LRP5: variants seen among roughly 807,000 people sequenced by gnomAD.
LRP5 encodes LDL receptor related protein 5.
LRP5 carries 62 observed loss-of-function variants against 154.1 expected under a neutral mutation model. That is an observed-to-expected ratio of 0.40 (90% CI 0.33 to 0.50). The LOEUF (loss-of-function observed/expected upper bound fraction) is 0.50. LRP5 is among the 20% of genes least tolerant of loss of function. LRP5 has a pLI of 0.55. For synonymous variants in LRP5, 966 were observed against 1,011.5 expected, an observed-to-expected ratio of 0.96 and a Z score of 0.85; for missense variants, 1,915 against 2,336.7, an observed-to-expected ratio of 0.82 and a Z score of 3.72.
At chr11:68,299,289 G>A in the LRP5 span, among the ~76,000 whole-genome samples, 2 of 152,198 alleles carry the variant, frequency 1.3e-5, no homozygotes, top group Non-Finnish European at 2.9e-5. Context: ...GAGGGGCTTG[G>A]GTGGAGGCTG....
At chr11:68,349,765 C>G (rs1466485668) in intron 2 of LRP5, among the ~76,000 whole-genome samples, 1 of 152,168 alleles carries the variant, frequency 6.6e-6, no homozygotes, top group East Asian at 1.9e-4. Context: ...CCCAGACTCC[C>G]GAGCAGAGGG....
intron 17 of LRP5, among the ~76,000 whole-genome samples, chr11:68,432,363 G>T (rs987309490): frequency 1.3e-5 from 2 of 152,298 alleles, no homozygotes; most frequent in Non-Finnish European, 2.9e-5. Flanking sequence ...GCAGACATCT[G>T]TCGTTGGCTC....
chr11:68,380,240 A>G (rs1225634414), intron 5 of LRP5, among the ~76,000 whole-genome samples: 1 of 152,184 alleles, frequency 6.6e-6, no homozygotes, highest in African/African-American at 2.4e-5. Context: ...CTTTTTACAT[A>G]TTTACATGGT....
chr11:68,325,016 T>C (rs1404501122), intron 1 of LRP5, among the ~76,000 whole-genome samples: 3 of 152,196 alleles, frequency 2.0e-5, no homozygotes, highest in Non-Finnish European at 2.9e-5. Flanking sequence ...TGGGCTCCTG[T>C]GCCCTGCACA....
rs1256932871 is a variant in LRP5, at chr11:68,413,876, C to T, written c.2691C>T (p.Ser897=). The T allele has an allele frequency of 1.9e-6, 3 of 1,613,354 alleles. No homozygotes were observed. The South Asian group carries it at 3.3e-5, about 18-fold the overall frequency. The part of the protein sequence containing the change: ...DFVMDILVFH[S]SRQDGLNDCM... The stretch of plus-strand genomic sequence containing the variant: ...TGATGGACATCCTGGTGTTCCACTC[C>T]TCCCGCCAGGATGGCCTCAATGACT... The change falls in exon 12 of 23, where the codon TCC becomes TCT. Residue 897 remains serine (S), a synonymous_variant. Coordinates refer to ENST00000294304, the MANE Select transcript of LRP5 (RefSeq NM_002335.4). This position sits in a 1 kb window ranked among gnomAD's most constrained non-coding sequence, Gnocchi z 5.1.
At chr11:68,356,437 A>G (rs1055273003) in intron 2 of LRP5, among the ~76,000 whole-genome samples, 4 of 152,002 alleles carry the variant, frequency 2.6e-5, no homozygotes, top group African/African-American at 9.7e-5. Flanking sequence ...GTGCCTGGCC[A>G]TGTTTTGTTG....
intron 5 of LRP5, among the ~76,000 whole-genome samples, chr11:68,368,693 C>A (rs2098632416): frequency 6.6e-6 from 1 of 152,116 alleles, no homozygotes; most frequent in Non-Finnish European, 1.5e-5. Flanking sequence ...GTTCCCCAGC[C>A]CTCCCTGCGT....
chr11:68,430,415 G>T (rs537129060), intron 17 of LRP5, among the ~76,000 whole-genome samples: 1 of 152,052 alleles, frequency 6.6e-6, no homozygotes, highest in Admixed American at 6.6e-5. Flanking sequence ...CTCGTGATCC[G>T]CCCACCTCGG....
intron 5 of LRP5, among the ~76,000 whole-genome samples, chr11:68,368,950 G>A (rs961518698): frequency 6.7e-6 from 1 of 149,478 alleles, no homozygotes; most frequent in Non-Finnish European, 1.5e-5. Flanking sequence ...CAATTCTCCT[G>A]CCTCAGCCTC....
At chr11:68,393,037 G>A (rs1245266164) in intron 7 of LRP5, among the ~76,000 whole-genome samples, 2 of 151,978 alleles carry the variant, frequency 1.3e-5, no homozygotes, top group African/African-American at 2.4e-5. Context: ...GGCTGAGGTG[G>A]GAGGATCGCT....
chr11:68,351,273 C>T (rs544054226), intron 2 of LRP5, among the ~76,000 whole-genome samples: 12 of 152,166 alleles, frequency 7.9e-5, no homozygotes, highest in East Asian at 7.8e-4. Context: ...CGCTGCCCTC[C>T]GAGTGGGCTA....
intron 17 of LRP5, among the ~76,000 whole-genome samples, chr11:68,432,111 C>T (rs1180517077): frequency 1.3e-5 from 2 of 152,264 alleles, no homozygotes; most frequent in African/African-American, 4.8e-5. Flanking sequence ...GCCATTCAGC[C>T]CTTCCCTGAG....
At chr11:68,371,548 G>C (rs1296069683) in intron 5 of LRP5, among the ~76,000 whole-genome samples, 2 of 152,254 alleles carry the variant, frequency 1.3e-5, no homozygotes, top group African/African-American at 4.8e-5. Context: ...CCACAGTCCT[G>C]TCACCTGAGC....
At position 68,362,489 on chromosome 11, in the gene LRP5, C is replaced by T. The variant is rs145341369; in HGVS notation, c.687-1258C>T. Among the ~76,000 whole-genome samples, 1,074 of 152,234 alleles carry T rather than the reference C, an allele frequency of 7.1e-3. 12 individuals carry two copies. Among genetic ancestry groups the T allele is most frequent in the African/African-American group, 0.025 (1,032 of 41,522 alleles). On this transcript the variant is annotated intron_variant, in intron 3 of 22. Transcript: ENST00000294304. ...CCTGAGCTCAGGGCTTCAAGACCAG[C>T]CTTGGGCAACATGGCGAAACCCTGT...
Position 68,413,978 on chromosome 11 carries a change from C to G in LRP5, c.2793C>G (p.His931Gln). ...GCCACCGCTGCGGCTGCGCCTCACA[C>G]TACACCCTGGACCCCAGCAGCCGCA... ...PGGHRCGCAS[H>Q]YTLDPSSRNC... The change falls in exon 12 of 23, where the codon CAC (histidine) becomes CAG (glutamine). Residue 931 changes from histidine to glutamine, a missense_variant. Physicochemically the swap from His to Gln is conservative, Grantham distance 24 (BLOSUM62 0). Coordinates refer to ENST00000294304, the MANE Select transcript of LRP5 (RefSeq NM_002335.4). This position sits in a 1 kb window ranked among gnomAD's most constrained non-coding sequence, Gnocchi z 5.1. 1.2e-6 allele frequency: 2 copies of G among 1,606,160 alleles called. No individual in the cohort carries two copies. The highest frequency in any genetic ancestry group is 8.5e-7 in the Non-Finnish European group (1 of 1,179,916).
intron 21 of LRP5, among the ~76,000 whole-genome samples, chr11:68,441,109 C>T (rs1438930127): frequency 6.6e-6 from 1 of 150,526 alleles, no homozygotes; most frequent in East Asian, 2.0e-4. Flanking sequence ...GACAGGGTCT[C>T]GCTCTGTCAC....
chr11:68,449,223 G>T lies in LRP5; in HGVS notation c.*153G>T. The stretch of plus-strand genomic sequence containing the variant: ...ACTGTGATGGGGTGGGCAGGGCTGG[G>T]AGAACTTTGTACAGTGGAGAAATAT... On this transcript the variant is annotated 3_prime_UTR_variant, in exon 23 of 23. Coordinates refer to ENST00000294304, the MANE Select transcript of LRP5 (RefSeq NM_002335.4). 1.2e-4 allele frequency: 42 copies of T among 349,098 alleles called. No homozygotes were observed. The highest frequency in any genetic ancestry group is 8.9e-4 in the Middle Eastern group (1 of 1,126). The allele number at this position is 349,098 out of a possible 1,614,324, so 21.6% of individuals were successfully genotyped here.
In LRP5 at chr11:68,413,459, C is replaced by G. The variant is rs556919956; in HGVS notation, c.2504-230C>G. ...GAGTCTCGCTGCCTGGGTGGTAATC[C>G]TGGCCCTGCCACTTAGCAACTGTGT... is the stretch of plus-strand genomic sequence containing the variant. On this transcript the variant is annotated intron_variant, in intron 11 of 22. Transcript: ENST00000294304. This position sits in a 1 kb window ranked among gnomAD's most constrained non-coding sequence, Gnocchi z 5.1. Among the ~76,000 whole-genome samples the G allele has an allele frequency of 6.6e-6, 1 of 152,316 alleles. No homozygotes were observed. The highest frequency in any genetic ancestry group is 1.9e-4 in the East Asian group (1 of 5,188).
At chr11:68,382,429 A>G (rs1429110857) in intron 5 of LRP5, among the ~76,000 whole-genome samples, 1 of 152,182 alleles carries the variant, frequency 6.6e-6, no homozygotes. Flanking sequence ...AGACCTCTCA[A>G]TCTCAGCAGG....
Sources: gnomAD v4.1 joint callset for allele counts (sites outside exome capture counted in the v4.1 genomes callset) on GRCh38, gnomAD v4.1.1 for gene constraint, Gnocchi (gnomAD v3.1) non-coding constraint, MANE v1.5 for transcripts, NCBI Gene and HGNC (gene_info 2026-07-23, HGNC 2026-07-21) for gene names.